Variants in BDP1 observed in about 807,000 individuals in gnomAD.
BDP1 encodes the protein BDP1 general transcription factor IIIB subunit, also known as transcription factor TFIIIB component B'' homolog.
BDP1 carries 169 observed loss-of-function variants against 266.6 expected under a neutral mutation model. The observed-to-expected ratio is 0.63, with a 90% CI of 0.56 to 0.72. The LOEUF is 0.72. Among genes scored for constraint, BDP1 ranks in the 30% least tolerant of loss-of-function variants. The pLI is 0.00. For synonymous variants in BDP1, 1,090 were observed against 1,022.4 expected (o/e 1.07, Z -1.26); for missense variants, 3,015 against 3,053.8 (o/e 0.99, Z 0.30).
chr5:71,506,250 G>C (rs979910960), intron 16 of BDP1, among the ~76,000 whole-genome samples: 4 of 152,236 alleles, frequency 2.6e-5, no homozygotes, highest in Admixed American at 2.6e-4. Flanking sequence ...TACTCAATCT[G>C]ATCTCAACAA....
Position 71,497,340 on chromosome 5 carries a change from T to A in BDP1, c.1870T>A (p.Ser624Thr). 1.9e-6 allele frequency: 3 copies of A among 1,613,832 alleles called. No individual in the cohort carries two copies. The highest frequency in any genetic ancestry group is 2.5e-6 in the Non-Finnish European group (3 of 1,179,890). Residue 624 changes from serine (S) to threonine (T), a missense_variant, in exon 13 of 39, where the codon TCA (serine) becomes ACA (threonine). By Grantham distance (58) the Ser-to-Thr change is moderately conservative. Coordinates refer to ENST00000358731, the MANE Select transcript of BDP1 (RefSeq NM_018429.3). ...CTTCCAAAGACCTAAACCCAATTTG[T>A]CAAGGGCTGGGAAGAAATCAGTTCT... ...GRFQRPKPNLSRAGKKSVLSQ... is the reference protein window; with the variant it reads ...GRFQRPKPNLTRAGKKSVLSQ...
intron 15 of BDP1, among the ~76,000 whole-genome samples, chr5:71,503,405 A>G (rs1450375288): frequency 6.6e-6 from 1 of 152,236 alleles, no homozygotes; most frequent in Non-Finnish European, 1.5e-5. Flanking sequence ...GATTTTGGGC[A>G]TTTACATGAT....
In BDP1 at chr5:71,515,185, T is replaced by C; in HGVS notation, c.4649+63T>C. 3.2e-6 allele frequency: 4 copies of C among 1,256,214 alleles called. No homozygotes were observed. The South Asian group carries it at 6.8e-5, about 21-fold the overall frequency. The allele number at this position is 1,256,214 out of a possible 1,614,324, so 77.8% of individuals were successfully genotyped here. On this transcript the variant is annotated intron_variant, in intron 20 of 38. Transcript: ENST00000358731. Reference sequence around the variant, plus strand: ...AGATACTTCTTTTAAATATTTCTAATTTTTATTGAGATATGTTAATGCATT... The same window carrying C: ...AGATACTTCTTTTAAATATTTCTAACTTTTATTGAGATATGTTAATGCATT...
At chr5:71,550,605 C>A (rs1304167545) in intron 34 of BDP1, among the ~76,000 whole-genome samples, 1 of 151,916 alleles carries the variant, frequency 6.6e-6, no homozygotes, top group Non-Finnish European at 1.5e-5. Context: ...CCCAGCTGTT[C>A]TTGATACTCT....
In BDP1 at chr5:71,517,411, T is replaced by G; in HGVS notation, c.4950T>G (p.Leu1650=). ...RMYENQSQVV[L]VENLHVNKTN... is the part of the protein sequence containing the mutation. ...ATGAAAATCAAAGTCAGGTGGTTCT[T>G]GTAGAAAACCTTCATGTTAACAAAA... Residue 1650 remains leucine, a synonymous_variant, in exon 22 of 39, where the codon CTT becomes CTG. Transcript: ENST00000358731. 6.2e-7 allele frequency: 1 copy of G among 1,604,540 alleles called. No homozygotes were observed. The highest frequency in any genetic ancestry group is 8.5e-7 in the Non-Finnish European group (1 of 1,177,484).
intron 7 of BDP1, among the ~76,000 whole-genome samples, chr5:71,477,201 G>A (rs932835675): frequency 2.0e-5 from 3 of 149,448 alleles, no homozygotes; most frequent in Admixed American, 1.3e-4. Flanking sequence ...TTTGTTGCTC[G>A]GGCTGGAGTG....
chr5:71,549,504 TA>T lies in BDP1; in HGVS notation c.6894del (p.Glu2299LysfsTer25). On this transcript the variant is annotated frameshift_variant, in exon 34 of 39. Coordinates refer to ENST00000358731, the MANE Select transcript of BDP1 (RefSeq NM_018429.3). LOFTEE classifies it high-confidence loss of function. ...LTLVEIPANA[V>X]EEFTDATAQF... Reference sequence around the variant, plus strand: ...CTGGTGGAAATCCCAGCCAATGCAGTAGAAGAATTTACTGATGCCACTGCAC... The same window carrying T: ...CTGGTGGAAATCCCAGCCAATGCAGTGAAGAATTTACTGATGCCACTGCAC... The T allele has an allele frequency of 6.2e-7, 1 of 1,614,072 alleles. No individual in the cohort carries two copies. The highest frequency in any genetic ancestry group is 8.5e-7 in the Non-Finnish European group (1 of 1,179,986).
At chr5:71,551,783 C>T (rs1222476361) in intron 34 of BDP1, among the ~76,000 whole-genome samples, 1 of 149,936 alleles carries the variant, frequency 6.7e-6, no homozygotes, top group East Asian at 2.0e-4. Flanking sequence ...GGGCTGACCC[C>T]CCCACCTCCC....
intron 13 of BDP1, among the ~76,000 whole-genome samples, chr5:71,500,316 C>CTTTTTTTTTTTTTTT (rs58201517): frequency 1.4e-5 from 1 of 73,116 alleles, no homozygotes; most frequent in Non-Finnish European, 2.4e-5. Flanking sequence ...AATCTTGTTT[C>CTTTTTTTTTTTTTTT]TTTTTTTTTT....
chr5:71,495,215 A>G, intron 11 of BDP1, 35 bp from the exon 12 acceptor site: 1 of 1,337,926 alleles, frequency 7.5e-7, no homozygotes, highest in South Asian at 1.6e-5. Context: ...ATCATTAGGA[A>G]TTCTTTTCTC....
chr5:71,552,575 C>T (rs573828229), intron 34 of BDP1, among the ~76,000 whole-genome samples: 19 of 152,356 alleles, frequency 1.2e-4, no homozygotes, highest in Non-Finnish European at 2.8e-4. Context: ...CCCGGCACGT[C>T]GGGAGGCCGA....
intron 25 of BDP1, among the ~76,000 whole-genome samples, chr5:71,531,502 T>A (rs1383022625): frequency 6.6e-6 from 1 of 151,888 alleles, no homozygotes; most frequent in African/African-American, 2.4e-5. Context: ...GATAAATATT[T>A]TATTTATTTA....
chr5:71,487,673 C>G lies in BDP1; in HGVS notation c.1213+1046C>G, dbSNP rs111477036. ...GATGGTGAGAGCCTGTGTTGGGGGT[C>G]CCCACGACCACCACCGGGGTTCGAT... On this transcript the variant is annotated intron_variant, in intron 9 of 38. Coordinates refer to ENST00000358731, the MANE Select transcript of BDP1 (RefSeq NM_018429.3). Among the ~76,000 whole-genome samples the G allele has an allele frequency of 5.0e-3, 766 of 152,202 alleles. 8 individuals carry two copies. Among genetic ancestry groups the G allele is most frequent in the African/African-American group, 0.017 (717 of 41,532 alleles).
intron 7 of BDP1, among the ~76,000 whole-genome samples, chr5:71,478,557 G>A (rs1762737237): frequency 6.6e-6 from 1 of 151,866 alleles, no homozygotes; most frequent in Admixed American, 6.6e-5. Flanking sequence ...AGATGTCATT[G>A]TATCGTCTCC....
chr5:71,457,697 T>G (rs1761286447), intron 1 of BDP1, among the ~76,000 whole-genome samples: 1 of 152,162 alleles, frequency 6.6e-6, no homozygotes, highest in Non-Finnish European at 1.5e-5. Flanking sequence ...CATAATTGGG[T>G]GAAATGCAGA....
At chr5:71,470,374 C>A (rs1762165402) in intron 6 of BDP1, 21 bp from the exon 7 acceptor site, 2 of 1,495,538 alleles carry the variant, frequency 1.3e-6, no homozygotes, top group African/African-American at 1.4e-5. Context: ...TTCAATCATT[C>A]TAAATCTTTT....
chr5:71,541,688 T>C lies in BDP1; in HGVS notation c.6251+6T>C. On this transcript the variant is annotated splice_donor_region_variant and intron_variant, in intron 29 of 38. Coordinates refer to ENST00000358731, the MANE Select transcript of BDP1 (RefSeq NM_018429.3). ...GAGAATGCTACACCAACCAGGTTTA[T>C]TTTAGTATTCAATTAATAAATATTA... The C allele has an allele frequency of 6.6e-7, 1 of 1,506,048 alleles. No individual in the cohort carries two copies. Among genetic ancestry groups the C allele is most frequent in the African/African-American group, 1.4e-5 (1 of 71,466 alleles). The allele number at this position is 1,506,048 out of a possible 1,614,324, so 93.3% of individuals were successfully genotyped here. A position where few individuals can be genotyped will look rare whatever the true frequency, so the allele number is the denominator to read the frequency against.
chr5:71,552,286 A>G (rs897590263), intron 34 of BDP1, among the ~76,000 whole-genome samples: 6 of 149,538 alleles, frequency 4.0e-5, no homozygotes, highest in Admixed American at 1.3e-4. Context: ...GACGCTCCTC[A>G]CTTCCTAGAT....
intron 1 of BDP1, among the ~76,000 whole-genome samples, chr5:71,457,910 T>TC (rs1204841770): frequency 2.6e-5 from 4 of 152,222 alleles, no homozygotes; most frequent in African/African-American, 9.6e-5. Context: ...AATACTTATA[T>TC]CTGAGGTATA....
Sources: gnomAD v4.1 joint callset for allele counts (sites outside exome capture counted in the v4.1 genomes callset) on GRCh38, gnomAD v4.1.1 for gene constraint, MANE v1.5 for transcripts, NCBI Gene and HGNC (gene_info 2026-07-23, HGNC 2026-07-21) for gene names.